Variants in TGFBRAP1 observed in about 807,000 individuals in gnomAD.
The protein encoded by TGFBRAP1 is transforming growth factor-beta receptor-associated protein 1.
A neutral mutation model predicts 83.2 loss-of-function variants in TGFBRAP1; 20 were observed. The ratio of observed to expected loss-of-function variants is 0.24; its 90% CI spans 0.17 to 0.35. The LOEUF (loss-of-function observed/expected upper bound fraction) is 0.35, where lower values mean the gene tolerates loss of function less well. Among genes scored for constraint, TGFBRAP1 ranks in the 10% least tolerant of loss-of-function variants. The pLI, the probability that TGFBRAP1 is intolerant of heterozygous loss-of-function variation, is 1.00. For missense variants in TGFBRAP1, 950 were observed against 1,099.4 expected (o/e 0.86, Z 1.92); for synonymous variants, 415 against 459.8 (o/e 0.90, Z 1.25).
chr2:105,317,611 A>G (rs4851756), intron 1 of TGFBRAP1, among the ~76,000 whole-genome samples: 27,558 of 152,114 alleles, frequency 0.18, 3,063 homozygotes, highest in East Asian at 0.55. Context: ...AAGATATAAA[A>G]AAGCACAAAC....
At chr2:105,263,360 G>C (rs996197199), downstream of TGFBRAP1, among the ~76,000 whole-genome samples, 1 of 152,218 alleles carries the variant, frequency 6.6e-6, no homozygotes, top group Non-Finnish European at 1.5e-5. Context: ...TCCACCCTGG[G>C]CTGTGTTCTG....
chr2:105,275,152 G>A (rs1012947927), intron 8 of TGFBRAP1, among the ~76,000 whole-genome samples: 1 of 152,206 alleles, frequency 6.6e-6, no homozygotes, highest in Non-Finnish European at 1.5e-5. Context: ...CCAGGTCTGG[G>A]TGCTTCCTCC....
the TGFBRAP1 span, among the ~76,000 whole-genome samples, chr2:105,258,776 GTCTC>G: frequency 5.8e-5 from 7 of 121,552 alleles, no homozygotes; most frequent in Admixed American, 3.1e-4. Flanking sequence ...CACACACACT[GTCTC>G]TCTCTCTCTC....
intron 8 of TGFBRAP1, among the ~76,000 whole-genome samples, chr2:105,274,622 G>A (rs1422911455): frequency 6.6e-6 from 1 of 152,192 alleles, no homozygotes; most frequent in Non-Finnish European, 1.5e-5. Flanking sequence ...CAACGGCACT[G>A]AGATCCATGT....
chr2:105,288,319 C>G (rs566603367), intron 4 of TGFBRAP1, among the ~76,000 whole-genome samples: 20 of 152,204 alleles, frequency 1.3e-4, no homozygotes, highest in Non-Finnish European at 2.8e-4. Flanking sequence ...GAGGACAGCA[C>G]GAGCAGGCTG....
intron 6 of TGFBRAP1, among the ~76,000 whole-genome samples, chr2:105,278,378 A>G (rs1011614744): frequency 1.3e-5 from 2 of 152,188 alleles, no homozygotes; most frequent in East Asian, 1.9e-4. Flanking sequence ...TTGCCTAAGC[A>G]GAGACTGAGA....
intron 10 of TGFBRAP1, among the ~76,000 whole-genome samples, chr2:105,271,255 T>C (rs571019508): frequency 2.6e-5 from 4 of 152,232 alleles, no homozygotes; most frequent in Non-Finnish European, 5.9e-5. Flanking sequence ...GTATCCTCAA[T>C]GCACAGTGAC....
chr2:105,306,068 G>GT (rs1553406584), intron 2 of TGFBRAP1, among the ~76,000 whole-genome samples: 162 of 118,654 alleles, frequency 1.4e-3, no homozygotes, highest in Middle Eastern at 4.5e-3. Context: ...TTTGTTTTTT[G>GT]TTTTTTTTTT....
At chr2:105,273,378 C>T (rs1181759299) in intron 9 of TGFBRAP1, among the ~76,000 whole-genome samples, 166 bp downstream of exon 9, 2 of 152,140 alleles carry the variant, frequency 1.3e-5, no homozygotes, top group Non-Finnish European at 2.9e-5. Flanking sequence ...CTACCTATTG[C>T]TCCAGGTCTC....
At chr2:105,324,866 G>A (rs1399884998) in intron 1 of TGFBRAP1, among the ~76,000 whole-genome samples, 2 of 152,144 alleles carry the variant, frequency 1.3e-5, no homozygotes, top group East Asian at 1.9e-4. Context: ...GGGCCACCCC[G>A]GCAGTGAACT....
chr2:105,291,512 G>A (rs1180497072), intron 4 of TGFBRAP1, among the ~76,000 whole-genome samples: 1 of 152,188 alleles, frequency 6.6e-6, no homozygotes, highest in Non-Finnish European at 1.5e-5. Flanking sequence ...ACAGCCTAAG[G>A]TGGTAGCAAC....
downstream of TGFBRAP1, among the ~76,000 whole-genome samples, chr2:105,260,369 A>G (rs1405118534): frequency 6.6e-6 from 1 of 152,210 alleles, no homozygotes; most frequent in African/African-American, 2.4e-5. Flanking sequence ...AGATCTTGCC[A>G]CTGCACTCCA....
intron 1 of TGFBRAP1, among the ~76,000 whole-genome samples, chr2:105,312,231 G>A (rs1678719264): frequency 6.6e-6 from 1 of 152,054 alleles, no homozygotes; most frequent in Non-Finnish European, 1.5e-5. Flanking sequence ...AGAGGCCCAG[G>A]CAGGAAGATC....
chr2:105,305,374 T>A (rs1171783347), intron 2 of TGFBRAP1, among the ~76,000 whole-genome samples: 1 of 152,160 alleles, frequency 6.6e-6, no homozygotes, highest in Non-Finnish European at 1.5e-5. Flanking sequence ...CTCACCAGCA[T>A]CCCTGTACCA....
chr2:105,311,145 T>TAAAAAAA (rs11389565), intron 1 of TGFBRAP1, among the ~76,000 whole-genome samples: 5 of 125,482 alleles, frequency 4.0e-5, no homozygotes, highest in Non-Finnish European at 4.9e-5. Flanking sequence ...GAGAGAGCTG[T>TAAAAAAA]AAAAAAAAAA....
intron 3 of TGFBRAP1, 138 bp downstream of exon 3, chr2:105,298,373 G>T: frequency 1.2e-6 from 1 of 848,780 alleles, no homozygotes; most frequent in Non-Finnish European, 1.7e-6. Context: ...TGCAGCCCCT[G>T]AAGCACAGAG....
intron 1 of TGFBRAP1, among the ~76,000 whole-genome samples, chr2:105,317,468 TCACAC>T (rs903675402): frequency 6.6e-5 from 10 of 151,178 alleles, no homozygotes; most frequent in African/African-American, 2.2e-4. Context: ...GATTCCTACC[TCACAC>T]CACACATCAA....
intron 1 of TGFBRAP1, among the ~76,000 whole-genome samples, chr2:105,317,572 T>G (rs1678924397): frequency 6.6e-6 from 1 of 152,216 alleles, no homozygotes; most frequent in African/African-American, 2.4e-5. Context: ...TCTCATGACC[T>G]TCTTAGGGTA....
At chr2:105,272,227 T>G (rs911503312) in intron 10 of TGFBRAP1, among the ~76,000 whole-genome samples, 2 of 152,164 alleles carry the variant, frequency 1.3e-5, no homozygotes, top group Non-Finnish European at 2.9e-5. Flanking sequence ...ACAGAAACTG[T>G]GGCCTCTGTA....
Sources: allele counts gnomAD v4.1 joint callset (sites outside exome capture counted in the v4.1 genomes callset), GRCh38; gene constraint gnomAD v4.1.1; transcripts MANE v1.5; gene names NCBI Gene and HGNC (gene_info 2026-07-23, HGNC 2026-07-21).